ANK2: variants seen among roughly 807,000 people sequenced by gnomAD.
ANK2 encodes ankyrin-2.
In ANK2, 83 loss-of-function variants were observed where a neutral mutation model predicts 360.5. The observed-to-expected ratio is 0.23, with a 90% CI of 0.19 to 0.28. The LOEUF is 0.28. Ranked by LOEUF, ANK2 falls within the 10% of genes least tolerant of loss-of-function variation. The probability of loss-of-function intolerance (pLI) is 1.00; values close to 1 mark genes in which losing one functional copy is unlikely to be tolerated. For missense variants in ANK2, 4,201 were observed against 4,795.7 expected (o/e 0.88, Z 3.66); for synonymous variants, 1,740 against 1,759.5 (o/e 0.99, Z 0.28).
At chr4:113,186,578 C>G (rs2098530521) in intron 2 of ANK2, among the ~76,000 whole-genome samples, 1 of 67,750 alleles carries the variant, frequency 1.5e-5, no homozygotes, top group Non-Finnish European at 3.0e-5. Context: ...CTCTCTCTCT[C>G]TCTCTCTCTT....
In ANK2 at chr4:113,176,798, G is replaced by A. The variant is rs146347337; in HGVS notation, c.186+2281G>A. The stretch of plus-strand genomic sequence containing the variant: ...TCGCTCCTCCCCCCACCCCACAACA[G>A]GCCCTGGGTGTGTGATATTCCCTTT... On this transcript the variant is annotated intron_variant, in intron 2 of 45. Transcript: ENST00000357077. 1.2e-3 allele frequency among the ~76,000 whole-genome samples: 181 copies of A among 152,062 alleles called. 3 individuals carry two copies. In the East Asian group the frequency reaches 0.028, roughly 23 times the overall value.
intron 1 of ANK2, among the ~76,000 whole-genome samples, chr4:112,819,467 T>C (rs2056368998): frequency 6.6e-6 from 1 of 152,202 alleles, no homozygotes; most frequent in Non-Finnish European, 1.5e-5. Context: ...AAGAAACTTT[T>C]GGGTGAGAAA....
intron 35 of ANK2, chr4:113,347,753 G>A (rs1391746425): frequency 1.9e-5 from 3 of 157,732 alleles, no homozygotes; most frequent in African/African-American, 7.3e-5. Flanking sequence ...AGGATTGCTT[G>A]AGTCTAGTAG....
the ANK2 span, among the ~76,000 whole-genome samples, chr4:112,789,883 T>G: frequency 2.0e-5 from 3 of 152,210 alleles, no homozygotes; most frequent in Non-Finnish European, 4.4e-5. Flanking sequence ...AAATATCACC[T>G]TATATCTGTT....
intron 4 of ANK2, among the ~76,000 whole-genome samples, chr4:113,225,058 T>C (rs1034532617): frequency 6.6e-6 from 1 of 152,134 alleles, no homozygotes; most frequent in Non-Finnish European, 1.5e-5. Context: ...ACACTCATAC[T>C]TCCCCTACAA....
upstream of ANK2, among the ~76,000 whole-genome samples, chr4:112,814,535 C>G (rs1421011008): frequency 6.6e-6 from 1 of 152,108 alleles, no homozygotes; most frequent in Non-Finnish European, 1.5e-5. Flanking sequence ...CAGCCTCAAC[C>G]TCCCTGGGCT....
At chr4:113,278,704 C>T (rs982960717) in intron 17 of ANK2, 146 bp downstream of exon 17, 2 of 786,066 alleles carry the variant, frequency 2.5e-6, no homozygotes, top group Non-Finnish European at 4.2e-6. Context: ...CTTTTTTTTC[C>T]CTTGTATTTC....
intron 2 of ANK2, among the ~76,000 whole-genome samples, chr4:113,000,098 G>A (rs183947464): frequency 2.0e-5 from 3 of 152,286 alleles, no homozygotes; most frequent in Admixed American, 1.3e-4. Flanking sequence ...TGGTTATACC[G>A]CAGGGCTTAT....
intron 18 of ANK2, among the ~76,000 whole-genome samples, chr4:113,285,676 C>T (rs1476672751): frequency 6.6e-6 from 1 of 152,014 alleles, no homozygotes; most frequent in East Asian, 1.9e-4. Flanking sequence ...GAGCCCTGTC[C>T]TCTGGAATTT....
At position 112,944,340 on chromosome 4, in the gene ANK2, A is replaced by G. The variant is rs552645917; in HGVS notation, c.21+39826A>G. ...AATAAGCAGAGGAAGTGAATTTTGC[A>G]GTTGACAGAACTGCCTAACACAATA... is the stretch of plus-strand genomic sequence containing the variant. On this transcript the variant is annotated intron_variant, in intron 2 of 30. Coordinates refer to the ANK2 transcript ENST00000503271. 1.2e-4 allele frequency among the ~76,000 whole-genome samples: 18 copies of G among 152,330 alleles called. No homozygotes were observed. In the East Asian group the frequency reaches 3.5e-3, roughly 29 times the overall value.
chr4:113,143,761 C>T (rs556541704), intron 1 of ANK2, among the ~76,000 whole-genome samples: 1 of 152,118 alleles, frequency 6.6e-6, no homozygotes, highest in African/African-American at 2.4e-5. Context: ...TAGAAGGAGA[C>T]AAAAAAGTTA....
intron 1 of ANK2, 96 bp from the exon 2 acceptor site, chr4:113,174,320 C>G (rs1583848628): frequency 9.6e-7 from 1 of 1,037,596 alleles, no homozygotes. Flanking sequence ...CCAACTAAAG[C>G]TTTTCTGACT....
chr4:112,821,771 A>ATT (rs70958489), intron 1 of ANK2, among the ~76,000 whole-genome samples: 6,828 of 135,402 alleles, frequency 0.05, 324 homozygotes, highest in African/African-American at 0.12. Flanking sequence ...TGAGTCATAG[A>ATT]TTTTTTTTTT....
chr4:113,249,743 A>T, intron 9 of ANK2, 21 bp from the exon 10 acceptor site: 1 of 1,612,876 alleles, frequency 6.2e-7, no homozygotes, highest in South Asian at 1.1e-5. Flanking sequence ...CTTGGGCCTA[A>T]TTCTTTAATT....
At chr4:112,898,975 G>T (rs1356474854) in intron 1 of ANK2, among the ~76,000 whole-genome samples, 1 of 152,094 alleles carries the variant, frequency 6.6e-6, no homozygotes, top group African/African-American at 2.4e-5. Flanking sequence ...TGAAAGAAAT[G>T]ACCACCGAGG....
chr4:113,055,380 G>T (rs1224395689), intron 1 of ANK2, among the ~76,000 whole-genome samples: 2 of 152,048 alleles, frequency 1.3e-5, no homozygotes, highest in Non-Finnish European at 2.9e-5. Flanking sequence ...ATGACACAGT[G>T]AGACTGTCTA....
intron 2 of ANK2, among the ~76,000 whole-genome samples, chr4:112,992,404 A>G (rs953442300): frequency 6.6e-6 from 1 of 152,170 alleles, no homozygotes; most frequent in Admixed American, 6.5e-5. Context: ...TTGGCCTCCC[A>G]AAGTGCTGGG....
At chr4:112,802,528 C>G in the ANK2 span, among the ~76,000 whole-genome samples, 3 of 152,090 alleles carry the variant, frequency 2.0e-5, no homozygotes, top group Non-Finnish European at 4.4e-5. Flanking sequence ...CTTGATGTAT[C>G]TGTTGATGTG....
chr4:113,156,611 C>T (rs918121618), intron 1 of ANK2, among the ~76,000 whole-genome samples: 1 of 151,850 alleles, frequency 6.6e-6, no homozygotes, highest in East Asian at 1.9e-4. Context: ...GATCTGTCTT[C>T]CTTGACCTCC....
Sources: gnomAD v4.1 joint callset for allele counts (sites outside exome capture counted in the v4.1 genomes callset) on GRCh38, gnomAD v4.1.1 for gene constraint, MANE v1.5 for transcripts, NCBI Gene and HGNC (gene_info 2026-07-23, HGNC 2026-07-21) for gene names.